COL19A1: variants seen among roughly 807,000 people sequenced by gnomAD.
COL19A1 encodes collagen alpha-1(XIX) chain.
Under a neutral mutation model 190.2 loss-of-function variants are expected in COL19A1, and 159 were observed. The observed-to-expected ratio is 0.84, with a 90% confidence interval of 0.73 to 0.95. The LOEUF (loss-of-function observed/expected upper bound fraction) is 0.95. Ranked by LOEUF, COL19A1 falls within the 40% of genes least tolerant of loss-of-function variation. The pLI is 0.00. For synonymous variants in COL19A1, 509 were observed against 458.9 expected (o/e 1.11, Z -1.39); for missense variants, 1,418 against 1,431.9 (o/e 0.99, Z 0.16).
At chr6:70,174,926 A>T (rs1765715643) in intron 41 of COL19A1, among the ~76,000 whole-genome samples, 1 of 152,194 alleles carries the variant, frequency 6.6e-6, no homozygotes, top group African/African-American at 2.4e-5. Flanking sequence ...GAGATTATGG[A>T]TGGGCAGCAA....
At chr6:70,106,683 G>C (rs1314969591) in intron 16 of COL19A1, among the ~76,000 whole-genome samples, 1 of 152,170 alleles carries the variant, frequency 6.6e-6, no homozygotes, top group Non-Finnish European at 1.5e-5. Flanking sequence ...TTTTTGTAAA[G>C]TATTTGTCCA....
intron 9 of COL19A1, among the ~76,000 whole-genome samples, chr6:69,945,471 C>T (rs1356514113): frequency 1.3e-5 from 2 of 151,954 alleles, no homozygotes; most frequent in Non-Finnish European, 2.9e-5. Flanking sequence ...TGTAACCATA[C>T]CACAACAATA....
chr6:69,985,281 G>C (rs1426164053), intron 11 of COL19A1, among the ~76,000 whole-genome samples: 4 of 152,206 alleles, frequency 2.6e-5, no homozygotes, highest in Non-Finnish European at 5.9e-5. Context: ...CAGAGGAAGA[G>C]ACTTTAAGAG....
chr6:70,016,366 T>TAA (rs752043571), intron 11 of COL19A1, among the ~76,000 whole-genome samples: 479 of 37,384 alleles, frequency 0.013, 1 homozygote, highest in African/African-American at 0.032. Flanking sequence ...TAGAGTATAA[T>TAA]AAAAAAAAAA....
At chr6:69,969,495 A>G (rs775842248) in intron 11 of COL19A1, among the ~76,000 whole-genome samples, 49 of 152,134 alleles carry the variant, frequency 3.2e-4, no homozygotes, top group Non-Finnish European at 5.6e-4. Flanking sequence ...GGGACTATGC[A>G]TCTGTGGATT....
intron 2 of COL19A1, among the ~76,000 whole-genome samples, chr6:69,883,956 TA>T (rs3838677): frequency 0.46 from 70,231 of 151,154 alleles, 16,641 homozygotes; most frequent in Middle Eastern, 0.57. Flanking sequence ...GGAATAATAA[TA>T]AAAAAAAAGT....
At chr6:69,922,910 G>C (rs1048545004) in intron 4 of COL19A1, among the ~76,000 whole-genome samples, 1 of 152,160 alleles carries the variant, frequency 6.6e-6, no homozygotes, top group Non-Finnish European at 1.5e-5. Context: ...CTTAGGCTTT[G>C]TGAGTGATAC....
At chr6:70,024,582 C>CGTGT (rs71536487) in intron 12 of COL19A1, among the ~76,000 whole-genome samples, 2,355 of 143,472 alleles carry the variant, frequency 0.016, 70 homozygotes, top group African/African-American at 0.056. Flanking sequence ...TGGAGAAAGT[C>CGTGT]GTGTGTGTGT....
intron 2 of COL19A1, among the ~76,000 whole-genome samples, chr6:69,887,190 A>C (rs1582285575): frequency 1.3e-5 from 2 of 152,254 alleles, no homozygotes; most frequent in Admixed American, 1.3e-4. Flanking sequence ...CCAAAGTGTC[A>C]TAATGGAAAG....
chr6:69,912,442 T>C (rs1195801095), intron 4 of COL19A1, among the ~76,000 whole-genome samples: 1 of 152,226 alleles, frequency 6.6e-6, no homozygotes, highest in Non-Finnish European at 1.5e-5. Context: ...TGCACATGTG[T>C]TCATGTTCAA....
intron 12 of COL19A1, among the ~76,000 whole-genome samples, chr6:70,033,144 TA>T (rs893452155): frequency 3.3e-5 from 5 of 152,198 alleles, no homozygotes; most frequent in African/African-American, 1.2e-4. Flanking sequence ...TTTCATCCAT[TA>T]AAAATGTTTT....
intron 11 of COL19A1, chr6:69,974,194 A>G (rs1775585510): frequency 1.3e-5 from 2 of 152,246 alleles, no homozygotes; most frequent in African/African-American, 4.8e-5. Flanking sequence ...ACAGAAATCA[A>G]ATAATCAATT....
intron 15 of COL19A1, among the ~76,000 whole-genome samples, chr6:70,085,448 C>T (rs917753053): frequency 2.0e-5 from 3 of 152,206 alleles, no homozygotes; most frequent in African/African-American, 7.2e-5. Context: ...TAGTAAAGTG[C>T]TGAATAAATA....
At position 70,210,830 on chromosome 6, in the gene COL19A1, T is replaced by C. The variant is rs1768149501; in HGVS notation, c.*3556T>C. ...TTTGTTAATTTGTTTTGTTAATTTA[T>C]GTTTTTCCTAATTTTAAGCATCTTT... On this transcript the variant is annotated 3_prime_UTR_variant, in exon 51 of 51. Coordinates refer to ENST00000620364, the MANE Select transcript of COL19A1 (RefSeq NM_001858.6). Among the ~76,000 whole-genome samples, 1 of 152,170 alleles carries C rather than the reference T, an allele frequency of 6.6e-6. No individual in the cohort carries two copies. The highest frequency in any genetic ancestry group is 2.1e-4 in the South Asian group (1 of 4,834).
chr6:70,095,921 T>C (rs1783225193), intron 15 of COL19A1, among the ~76,000 whole-genome samples: 1 of 152,228 alleles, frequency 6.6e-6, no homozygotes, highest in Non-Finnish European at 1.5e-5. Context: ...AACATTTTAT[T>C]TATCCATTCA....
chr6:70,006,582 G>A (rs565955361), intron 11 of COL19A1, among the ~76,000 whole-genome samples: 9 of 152,092 alleles, frequency 5.9e-5, no homozygotes, highest in African/African-American at 9.6e-5. Context: ...GTTTCTAGTC[G>A]GCCATCTTGG....
At chr6:69,871,265 A>C (rs1767804876) in intron 1 of COL19A1, among the ~76,000 whole-genome samples, 1 of 152,150 alleles carries the variant, frequency 6.6e-6, no homozygotes. Context: ...GATTCTAAAG[A>C]TTGGTGAAAG....
At chr6:69,893,019 C>G (rs181020852) in intron 2 of COL19A1, among the ~76,000 whole-genome samples, 1 of 152,186 alleles carries the variant, frequency 6.6e-6, no homozygotes, top group Non-Finnish European at 1.5e-5. Context: ...AAATTTTGTT[C>G]ATAGGAGTAT....
chr6:70,156,144 C>G lies in COL19A1; in HGVS notation c.2097C>G (p.Cys699Trp). The G allele has an allele frequency of 6.2e-7, 1 of 1,612,908 alleles. No homozygotes were observed. The highest frequency in any genetic ancestry group is 8.5e-7 in the Non-Finnish European group (1 of 1,179,436). ...CTCATTAGAATTTCTGTGGCAACTG[C>G]CAAGCCAGTGTCCCAGGGCTGAAAA... ...GALLKNFCGNCQASVPGLKSN... is the reference protein window; with the variant it reads ...GALLKNFCGNWQASVPGLKSN... Residue 699 changes from cysteine (C) to tryptophan (W), a missense_variant, in exon 32 of 51, where the codon TGC becomes TGG. Coordinates refer to ENST00000620364, the MANE Select transcript of COL19A1 (RefSeq NM_001858.6).
Sources: gnomAD v4.1 joint callset for allele counts (sites outside exome capture counted in the v4.1 genomes callset) on GRCh38, gnomAD v4.1.1 for gene constraint, MANE v1.5 for transcripts, NCBI Gene and HGNC (gene_info 2026-07-23, HGNC 2026-07-21) for gene names.